The following ATP10B variants were observed in gnomAD, a reference collection of about 807,000 sequenced individuals.
ATP10B encodes phospholipid-transporting ATPase VB.
A neutral mutation model predicts 141.2 loss-of-function variants in ATP10B; 122 were observed. The observed-to-expected ratio is 0.86, with a 90% CI of 0.75 to 1.00. The LOEUF (loss-of-function observed/expected upper bound fraction) is 1.00. ATP10B is among the 50% of genes least tolerant of loss of function. The pLI is 0.00. For synonymous variants in ATP10B, 685 were observed against 692.0 expected, an observed-to-expected ratio of 0.99 and a Z score of 0.16; for missense variants, 1,876 against 1,825.3, an observed-to-expected ratio of 1.03 and a Z score of -0.51.
chr5:160,652,743 T>G (rs1162809117), intron 7 of ATP10B, among the ~76,000 whole-genome samples: 2 of 122,176 alleles, frequency 1.6e-5, no homozygotes, highest in African/African-American at 6.2e-5. Context: ...TATATTTATG[T>G]ACTATACATG....
chr5:160,810,475 T>C (rs1212025513), intron 1 of ATP10B, among the ~76,000 whole-genome samples: 2 of 152,136 alleles, frequency 1.3e-5, no homozygotes, highest in African/African-American at 4.8e-5. Flanking sequence ...TGAAGATTTG[T>C]TTATGTCTAG....
chr5:160,736,369 G>A (rs887830430), intron 2 of ATP10B, among the ~76,000 whole-genome samples: 5 of 152,140 alleles, frequency 3.3e-5, no homozygotes, highest in Non-Finnish European at 7.4e-5. Context: ...GAGGAAATGA[G>A]CAAATTTCTA....
the ATP10B span, among the ~76,000 whole-genome samples, chr5:160,886,106 C>T: frequency 0.021 from 3,215 of 152,208 alleles, 103 homozygotes; most frequent in African/African-American, 0.073. Flanking sequence ...TTTTAGCCAT[C>T]GGGGGAATTT....
At chr5:160,773,556 A>G (rs144905763) in intron 2 of ATP10B, among the ~76,000 whole-genome samples, 1 of 152,334 alleles carries the variant, frequency 6.6e-6, no homozygotes, top group African/African-American at 2.4e-5. Flanking sequence ...TGTTAGGTAT[A>G]TTAGCAGCTC....
the ATP10B span, among the ~76,000 whole-genome samples, chr5:160,902,454 A>C: frequency 3.7e-4 from 57 of 152,308 alleles, 1 homozygote; most frequent in South Asian, 4.3e-3. Context: ...ACTCAGCAAC[A>C]TGAGAGATTT....
chr5:160,881,739 A>C, the ATP10B span, among the ~76,000 whole-genome samples: 1 of 152,118 alleles, frequency 6.6e-6, no homozygotes, highest in Non-Finnish European at 1.5e-5. Flanking sequence ...TGAAAGCGGG[A>C]GGTGGAGCTT....
At position 160,621,840 on chromosome 5, in the gene ATP10B, T is replaced by C. The variant is rs988427740; in HGVS notation, c.1812+554A>G. On this transcript the variant is annotated intron_variant, in intron 14 of 25. Coordinates refer to ENST00000327245, the MANE Select transcript of ATP10B (RefSeq NM_025153.3). ...ACATGACCATTCAGCTGCATTTTTT[T>C]CCATGGGAAGAACATTACACACAGT... Among the ~76,000 whole-genome samples the C allele has an allele frequency of 5.3e-5, 8 of 152,324 alleles. No homozygotes were observed. In the South Asian group the frequency reaches 8.3e-4, roughly 16 times the overall value.
chr5:160,806,020 C>A (rs1395455749), intron 1 of ATP10B, among the ~76,000 whole-genome samples: 1 of 152,114 alleles, frequency 6.6e-6, no homozygotes, highest in East Asian at 1.9e-4. Flanking sequence ...TGGCCTAGCT[C>A]AAGGCATCAG....
chr5:160,755,840 TA>T (rs1235496826), intron 2 of ATP10B, among the ~76,000 whole-genome samples: 1 of 31,982 alleles, frequency 3.1e-5, no homozygotes, highest in Non-Finnish European at 5.2e-5. Flanking sequence ...AAAAAAAAAA[TA>T]TATATATATA....
At chr5:160,896,946 T>G in the ATP10B span, among the ~76,000 whole-genome samples, 4 of 152,328 alleles carry the variant, frequency 2.6e-5, no homozygotes, top group Non-Finnish European at 1.5e-5. Context: ...AAACACCACA[T>G]GATTATCTCA....
At chr5:160,818,671 A>C (rs542762240) in intron 1 of ATP10B, among the ~76,000 whole-genome samples, 1 of 152,364 alleles carries the variant, frequency 6.6e-6, no homozygotes, top group South Asian at 2.1e-4. Flanking sequence ...AGGATTATAA[A>C]TCATGCTGCT....
rs1754489535 is a variant in ATP10B at position 160,565,661 on chromosome 5, A to G, written c.4178T>C (p.Val1393Ala). ...CTGTTCGTGGAGTACTGACTCTTCCACATGCTTCCTCTTGGGAGGGTTAGA... is the reference window on the plus strand; with the variant it reads ...CTGTTCGTGGAGTACTGACTCTTCCGCATGCTTCCTCTTGGGAGGGTTAGA... Reference protein sequence around the residue: ...KSSNPPKRKHVEESVLHEQRC... With the variant: ...KSSNPPKRKHAEESVLHEQRC... The change falls in exon 26 of 26, where the codon GTG becomes GCG. Residue 1393 changes from valine to alanine, a missense_variant. Val to Ala is a moderately conservative substitution (Grantham distance 64). Transcript: ENST00000327245. 6.2e-7 allele frequency: 1 copy of G among 1,613,936 alleles called. No individual in the cohort carries two copies. The highest frequency in any genetic ancestry group is 8.5e-7 in the Non-Finnish European group (1 of 1,179,964).
chr5:160,599,041 C>T, intron 21 of ATP10B, 71 bp from the exon 22 acceptor site: 3 of 1,446,410 alleles, frequency 2.1e-6, no homozygotes, highest in Non-Finnish European at 2.9e-6. Flanking sequence ...TGCTTGGGAC[C>T]TCTGGGAGCT....
At chr5:160,583,713 A>G (rs1755702639) in intron 24 of ATP10B, among the ~76,000 whole-genome samples, 1 of 152,218 alleles carries the variant, frequency 6.6e-6, no homozygotes, top group African/African-American at 2.4e-5. Context: ...CTTTTCTTGC[A>G]GAGATGCCCC....
In ATP10B at chr5:160,686,277, G is replaced by C; in HGVS notation, c.276-4C>G. 1 of 1,573,582 alleles carries C rather than the reference G, an allele frequency of 6.4e-7. No individual in the cohort carries two copies. The highest frequency in any genetic ancestry group is 8.7e-7 in the Non-Finnish European group (1 of 1,154,822). ...CAGGAAATAGAGGTTAGCCCATCTG[G>C]AGGGGCAAGCGAAGTGTGAATAAAC... On this transcript the variant is annotated splice_polypyrimidine_tract_variant and splice_region_variant and intron_variant, in intron 5 of 25. Transcript: ENST00000327245.
chr5:160,886,516 G>A, the ATP10B span, among the ~76,000 whole-genome samples: 1 of 152,144 alleles, frequency 6.6e-6, no homozygotes, highest in Non-Finnish European at 1.5e-5. Context: ...GCCCATCTGG[G>A]CACAGATTTC....
intron 1 of ATP10B, among the ~76,000 whole-genome samples, chr5:160,825,304 G>A (rs904863634): frequency 6.6e-6 from 1 of 152,172 alleles, no homozygotes; most frequent in African/African-American, 2.4e-5. Context: ...TTCATGTTGT[G>A]GGAGAAATCC....
intron 3 of ATP10B, among the ~76,000 whole-genome samples, chr5:160,716,662 A>G (rs186603011): frequency 1.3e-5 from 2 of 152,330 alleles, no homozygotes; most frequent in East Asian, 3.9e-4. Flanking sequence ...AACAACAACA[A>G]TAAGTGGCTT....
At chr5:160,620,145 A>G (rs1758242942) in intron 15 of ATP10B, among the ~76,000 whole-genome samples, 1 of 152,230 alleles carries the variant, frequency 6.6e-6, no homozygotes, top group Admixed American at 6.5e-5. Flanking sequence ...ATGCTAATGG[A>G]CACTGTGATT....
Sources: gnomAD v4.1 joint callset for allele counts (sites outside exome capture counted in the v4.1 genomes callset) on GRCh38, gnomAD v4.1.1 for gene constraint, MANE v1.5 for transcripts, NCBI Gene and HGNC (gene_info 2026-07-23, HGNC 2026-07-21) for gene names.